Variants in NOTCH2 observed in about 807,000 individuals in gnomAD.
NOTCH2 encodes the protein notch receptor 2.
In NOTCH2, 29 loss-of-function variants were observed where a neutral mutation model predicts 235.8. That is an observed-to-expected ratio of 0.12 (90% CI 0.09 to 0.17). The LOEUF (loss-of-function observed/expected upper bound fraction) is 0.17. Among genes scored for constraint, NOTCH2 ranks in the 10% least tolerant of loss-of-function variants. The pLI is 1.00. For synonymous variants in NOTCH2, 1,086 were observed against 1,141.5 expected, an observed-to-expected ratio of 0.95 and a Z score of 0.98; for missense variants, 2,285 against 3,150.2, an observed-to-expected ratio of 0.73 and a Z score of 6.57.
At chr1:120,060,401 ATAT>A (rs1655269192) in intron 1 of NOTCH2, among the ~76,000 whole-genome samples, 1 of 148,430 alleles carries the variant, frequency 6.7e-6, no homozygotes, top group South Asian at 2.1e-4. Flanking sequence ...TGACAATAGT[ATAT>A]TATGTGTGTG....
chr1:119,954,240 T>C (rs904161225), intron 13 of NOTCH2, among the ~76,000 whole-genome samples: 14 of 152,140 alleles, frequency 9.2e-5, no homozygotes, highest in Non-Finnish European at 2.9e-5. Context: ...TAATCTCCAA[T>C]TTGAACATCA....
rs1553199548 is a variant in NOTCH2 at position 119,965,443 on chromosome 1, A to C, written c.1681+10T>G. ...CCTACCAAGGAGATGAAAAGTGAGA[A>C]GAATCTTACCTGTGGCACACTGGCA... On this transcript the variant is annotated intron_variant, in intron 10 of 33. Transcript: ENST00000256646. 9.4e-6 allele frequency: 15 copies of C among 1,603,246 alleles called. No individual in the cohort carries two copies. The highest frequency in any genetic ancestry group is 1.7e-4 in the Middle Eastern group (1 of 6,036).
intron 7 of NOTCH2, among the ~76,000 whole-genome samples, 200 bp downstream of exon 7, chr1:119,967,877 G>C (rs781915160): frequency 6.6e-6 from 1 of 152,140 alleles, no homozygotes; most frequent in Non-Finnish European, 1.5e-5. Context: ...AAGTACATAC[G>C]TTTCATACAG....
At chr1:120,023,368 C>A (rs1477487097) in intron 2 of NOTCH2, among the ~76,000 whole-genome samples, 1 of 150,322 alleles carries the variant, frequency 6.7e-6, no homozygotes, top group South Asian at 2.1e-4. Flanking sequence ...ACCCGGGAGG[C>A]GGAGCTTACA....
At chr1:119,966,904 G>A (rs587763273) in intron 8 of NOTCH2, among the ~76,000 whole-genome samples, 23 of 152,300 alleles carry the variant, frequency 1.5e-4, no homozygotes, top group African/African-American at 5.5e-4. Context: ...GGCTGGAGTG[G>A]CCGGCAGCCT....
intron 4 of NOTCH2, among the ~76,000 whole-genome samples, chr1:119,987,613 C>A (rs904885602): frequency 1.3e-5 from 2 of 152,216 alleles, no homozygotes; most frequent in Non-Finnish European, 2.9e-5. Flanking sequence ...CCAATCTCAC[C>A]ACCTGCAAGC....
chr1:119,949,455 C>T (rs782110650), intron 15 of NOTCH2, among the ~76,000 whole-genome samples: 1 of 146,464 alleles, frequency 6.8e-6, no homozygotes, highest in Non-Finnish European at 1.5e-5. Context: ...GATGCGATCT[C>T]GGCTCACTGC....
rs375049462 is a variant in NOTCH2 at position 119,915,385 on chromosome 1, C to A, written c.7337G>T (p.Gly2446Val). The A allele has an allele frequency of 9.9e-6, 16 of 1,614,060 alleles. No individual in the cohort carries two copies. The highest frequency in any genetic ancestry group is 1.3e-5 in the Non-Finnish European group (15 of 1,180,042). ...TCCCCGCTGACCTCCTCCAGCACCC[C>A]CAGGGGTAGGGCTGGTGGTCACATC... ...WSDVTTSPTP[G>V]GAGGGQRGPG... Residue 2446 changes from glycine (G) to valine (V), a missense_variant, in exon 34 of 34, where the codon GGG becomes GTG. Gly to Val is a moderately radical substitution (Grantham distance 109). Around this residue, in one of 6 missense-constraint regions of NOTCH2, gnomAD observed 504 missense variants for 538.0 expected, o/e 0.94. Transcript: ENST00000256646.
chr1:120,007,467 G>A (rs1485394935), intron 2 of NOTCH2, among the ~76,000 whole-genome samples: 2 of 129,192 alleles, frequency 1.5e-5, no homozygotes, highest in Non-Finnish European at 3.0e-5. Context: ...GAGGTGTGAG[G>A]ACCATCTGAG....
intron 21 of NOTCH2, 37 bp downstream of exon 21, chr1:119,937,244 TG>T (rs1649887148): frequency 1.3e-6 from 2 of 1,594,146 alleles, no homozygotes; most frequent in South Asian, 2.2e-5. Flanking sequence ...TACAATCTCC[TG>T]GGAGGTCCAT....
chr1:120,006,420 A>G (rs1328168036), intron 2 of NOTCH2, among the ~76,000 whole-genome samples: 2 of 149,806 alleles, frequency 1.3e-5, no homozygotes, highest in Non-Finnish European at 3.0e-5. Context: ...GAACCTTTTT[A>G]CATGCCACCC....
At chr1:120,041,041 C>CAAAAAAAAA (rs71586698) in intron 1 of NOTCH2, among the ~76,000 whole-genome samples, 2 of 15,668 alleles carry the variant, frequency 1.3e-4, no homozygotes, top group Non-Finnish European at 2.2e-4. Flanking sequence ...ACTCTGCCTG[C>CAAAAAAAAA]AAAAAAAAAA....
chr1:119,939,776 G>A (rs782749951), intron 19 of NOTCH2, among the ~76,000 whole-genome samples: 7 of 152,234 alleles, frequency 4.6e-5, no homozygotes, highest in Non-Finnish European at 8.8e-5. Context: ...ATGCTCTCGT[G>A]ATCCATGGAA....
chr1:120,014,249 A>T (rs1236035986), intron 2 of NOTCH2, among the ~76,000 whole-genome samples: 1 of 151,652 alleles, frequency 6.6e-6, no homozygotes, highest in African/African-American at 2.4e-5. Context: ...CAGGTCCATA[A>T]AGATGTATTT....
intron 12 of NOTCH2, among the ~76,000 whole-genome samples, chr1:119,955,520 T>C (rs1650657235): frequency 6.6e-6 from 1 of 152,232 alleles, no homozygotes. Flanking sequence ...TTCACAAGGT[T>C]CTAAGAAGAG....
intron 20 of NOTCH2, among the ~76,000 whole-genome samples, 155 bp downstream of exon 20, chr1:119,937,702 T>TACA (rs1649908947): frequency 6.6e-6 from 1 of 152,214 alleles, no homozygotes; most frequent in Non-Finnish European, 1.5e-5. Context: ...CCTCTACCCT[T>TACA]ACACCTTCTG....
chr1:120,009,233 C>A (rs1400851412), intron 2 of NOTCH2, among the ~76,000 whole-genome samples: 1 of 150,876 alleles, frequency 6.6e-6, no homozygotes. Flanking sequence ...GCCTTTAAGC[C>A]ACTGTAAAGA....
intron 5 of NOTCH2, among the ~76,000 whole-genome samples, chr1:119,982,629 C>T (rs782698327): frequency 2.6e-5 from 4 of 152,390 alleles, no homozygotes; most frequent in African/African-American, 9.6e-5. Flanking sequence ...CGTTTGTGCT[C>T]TATCTTCATC....
At position 120,005,529 on chromosome 1, in the gene NOTCH2, C is replaced by T. The variant is rs201838650; in HGVS notation, c.215G>A (p.Arg72His). Reference protein sequence around the residue: ...CQHRDPCEKNRCQNGGTCVAQ... With the variant: ...CQHRDPCEKNHCQNGGTCVAQ... ...CACACAAGTCCCACCATTCTGGCAG[C>T]GGTTCTTCTCACAGGGGTCTCGATG... Residue 72 changes from arginine to histidine, a missense_variant, in exon 3 of 34, where the codon CGC becomes CAC. Physicochemically the swap from Arg to His is conservative, Grantham distance 29. Coordinates refer to ENST00000256646, the MANE Select transcript of NOTCH2 (RefSeq NM_024408.4). The T allele has an allele frequency of 1.5e-3, 2,363 of 1,606,310 alleles. 42 individuals are homozygous for T. The South Asian group carries it at 0.024, about 16-fold the overall frequency.
Sources: allele counts gnomAD v4.1 joint callset (sites outside exome capture counted in the v4.1 genomes callset), GRCh38; gene constraint gnomAD v4.1.1; regional missense constraint gnomAD v4.1.1; transcripts MANE v1.5; gene names NCBI Gene and HGNC (gene_info 2026-07-23, HGNC 2026-07-21).